The following SPTBN1 variants were observed in gnomAD, a reference collection of about 807,000 sequenced individuals.
The protein encoded by SPTBN1 is spectrin beta chain, non-erythrocytic 1.
In SPTBN1, 32 loss-of-function variants were observed where a neutral mutation model predicts 266.4. The observed-to-expected ratio is 0.12, with a 90% CI of 0.09 to 0.16. The LOEUF is 0.16. SPTBN1 is among the 10% of genes least tolerant of loss of function. SPTBN1 has a pLI of 1.00. For synonymous variants in SPTBN1, 1,336 were observed against 1,162.2 expected, an observed-to-expected ratio of 1.15 and a Z score of -3.04; for missense variants, 2,296 against 3,067.1, an observed-to-expected ratio of 0.75 and a Z score of 5.94.
intron 28 of SPTBN1, 130 bp downstream of exon 28, chr2:54,655,338 C>G: frequency 8.0e-7 from 1 of 1,242,768 alleles, no homozygotes; most frequent in Non-Finnish European, 1.1e-6. Context: ...TTTAAAACTC[C>G]TTTCCTGTGC....
At chr2:54,514,394 T>A (rs930314589) in intron 1 of SPTBN1, among the ~76,000 whole-genome samples, 1 of 152,200 alleles carries the variant, frequency 6.6e-6, no homozygotes, top group African/African-American at 2.4e-5. Context: ...TGGTTGAATT[T>A]GCCCATTAAG....
chr2:54,644,177 A>C, intron 19 of SPTBN1, 146 bp from the exon 20 acceptor site: 1 of 1,009,950 alleles, frequency 9.9e-7, no homozygotes, highest in Non-Finnish European at 1.4e-6. Context: ...TGTTGATTTT[A>C]TTGAGCAGTA....
intron 7 of SPTBN1, among the ~76,000 whole-genome samples, chr2:54,618,633 T>G (rs1267559959): frequency 6.6e-6 from 1 of 152,206 alleles, no homozygotes; most frequent in African/African-American, 2.4e-5. Flanking sequence ...AAACCTGGCA[T>G]AGGCTGTTAA....
intron 2 of SPTBN1, among the ~76,000 whole-genome samples, chr2:54,579,927 G>A (rs1006521279): frequency 1.3e-5 from 2 of 152,218 alleles, no homozygotes; most frequent in Admixed American, 1.3e-4. Flanking sequence ...TTGAATGGGT[G>A]TTTCTTCTCT....
chr2:54,517,669 A>G (rs981473803), intron 1 of SPTBN1, among the ~76,000 whole-genome samples: 9 of 150,424 alleles, frequency 6.0e-5, no homozygotes, highest in African/African-American at 2.0e-4. Context: ...CTTTTGAGAC[A>G]GAGTCTCGCT....
intron 32 of SPTBN1, chr2:54,660,395 G>C: frequency 1.8e-6 from 2 of 1,121,340 alleles, no homozygotes; most frequent in Non-Finnish European, 2.2e-6. Flanking sequence ...AAGAAAACTA[G>C]AATCTAACAG....
At chr2:54,582,418 G>A (rs758476990) in intron 2 of SPTBN1, among the ~76,000 whole-genome samples, 106 of 152,038 alleles carry the variant, frequency 7.0e-4, no homozygotes, top group Admixed American at 3.9e-4. Context: ...TGGAGGATTA[G>A]CCAGGCATAG....
chr2:54,656,689 G>A (rs1227380410), intron 29 of SPTBN1, among the ~76,000 whole-genome samples: 2 of 152,116 alleles, frequency 1.3e-5, no homozygotes, highest in Admixed American at 1.3e-4. Flanking sequence ...ATGTTATGGG[G>A]GTTTACTAGA....
chr2:54,462,909 C>G (rs754809939), intron 1 of SPTBN1, among the ~76,000 whole-genome samples: 5 of 152,216 alleles, frequency 3.3e-5, no homozygotes, highest in Non-Finnish European at 5.9e-5. Flanking sequence ...CAGTCATATT[C>G]TCGACATGGT....
At chr2:54,578,607 C>A (rs1674651572) in intron 2 of SPTBN1, among the ~76,000 whole-genome samples, 1 of 152,126 alleles carries the variant, frequency 6.6e-6, no homozygotes, top group Admixed American at 6.5e-5. Flanking sequence ...TACTTGTATC[C>A]TAAAACCACA....
rs1572717422 is a variant in SPTBN1 at position 54,632,774 on chromosome 2, G to T, written c.3767+6G>T. On this transcript the variant is annotated splice_donor_region_variant and intron_variant, in intron 17 of 35. Coordinates refer to ENST00000356805, the MANE Select transcript of SPTBN1 (RefSeq NM_003128.3). Reference sequence around the variant, plus strand: ...GTGGACTCTATTGATGACAGGTACAGTTTTCTGAGGTTCTTAAGGGAGCCT... The same window carrying T: ...GTGGACTCTATTGATGACAGGTACATTTTTCTGAGGTTCTTAAGGGAGCCT... 1.9e-6 allele frequency: 3 copies of T among 1,613,886 alleles called. No individual in the cohort carries two copies. The East Asian group carries it at 6.7e-5, about 36-fold the overall frequency.
At chr2:54,651,581 T>C (rs763723927) in intron 26 of SPTBN1, among the ~76,000 whole-genome samples, 1 of 152,206 alleles carries the variant, frequency 6.6e-6, no homozygotes, top group Admixed American at 6.5e-5. Flanking sequence ...GAATGACACA[T>C]AGCACTGATG....
chr2:54,590,891 T>TG (rs918390465), intron 2 of SPTBN1, among the ~76,000 whole-genome samples: 16 of 152,174 alleles, frequency 1.1e-4, no homozygotes, highest in Non-Finnish European at 2.2e-4. Context: ...GGTGCAGTGC[T>TG]GCAACTTTGA....
intron 2 of SPTBN1, chr2:54,546,400 C>G (rs1217669393): frequency 6.6e-6 from 1 of 152,148 alleles, no homozygotes; most frequent in Non-Finnish European, 1.5e-5. Flanking sequence ...TTAAAGTGAT[C>G]TGTATACATG....
chr2:54,490,003 C>G (rs1414904977), intron 1 of SPTBN1, among the ~76,000 whole-genome samples: 1 of 152,054 alleles, frequency 6.6e-6, no homozygotes, highest in Non-Finnish European at 1.5e-5. Context: ...ACCATTCTTG[C>G]TGGTCTCACA....
chr2:54,601,928 G>A (rs1441084821), intron 3 of SPTBN1, among the ~76,000 whole-genome samples: 1 of 152,166 alleles, frequency 6.6e-6, no homozygotes, highest in Non-Finnish European at 1.5e-5. Flanking sequence ...ATATGAGCAA[G>A]TATCATGTAG....
intron 1 of SPTBN1, chr2:54,457,175 C>G (rs571234185): frequency 4.7e-5 from 6 of 127,976 alleles, no homozygotes; most frequent in Non-Finnish European, 6.6e-5. Flanking sequence ...CCCTTTCTGC[C>G]GTCCCCACTC....
chr2:54,658,195 C>G, intron 30 of SPTBN1, 149 bp downstream of exon 30: 1 of 957,086 alleles, frequency 1.0e-6, no homozygotes, highest in South Asian at 1.7e-5. Flanking sequence ...ATGGGTGGCT[C>G]CTGTGGAGCA....
At chr2:54,639,565 T>C (rs762060324) in intron 18 of SPTBN1, among the ~76,000 whole-genome samples, 3 of 152,282 alleles carry the variant, frequency 2.0e-5, no homozygotes, top group Non-Finnish European at 4.4e-5. Flanking sequence ...TATTTGTATT[T>C]GAAATTTCCA....
Sources: allele counts gnomAD v4.1 joint callset (sites outside exome capture counted in the v4.1 genomes callset), GRCh38; gene constraint gnomAD v4.1.1; transcripts MANE v1.5; gene names NCBI Gene and HGNC (gene_info 2026-07-23, HGNC 2026-07-21).